ZNF614: variants seen among roughly 807,000 people sequenced by gnomAD.
ZNF614 encodes zinc finger protein 614.
ZNF614 carries 11 observed loss-of-function variants against 12.8 expected under a neutral mutation model. The ratio of observed to expected loss-of-function variants is 0.86; its 90% CI spans 0.54 to 1.43. ZNF614 has a LOEUF of 1.43. Among genes scored for constraint, ZNF614 ranks in the 40% most tolerant of loss-of-function variants. The probability of loss-of-function intolerance (pLI) is 0.00; values close to 1 mark genes in which losing one functional copy is unlikely to be tolerated. For synonymous variants in ZNF614, 237 were observed against 237.5 expected (o/e 1.00, Z 0.02); for missense variants, 664 against 708.8 (o/e 0.94, Z 0.72).
At chr19:52,027,055 T>C (rs1005568069) in intron 1 of ZNF614, among the ~76,000 whole-genome samples, 2 of 152,236 alleles carry the variant, frequency 1.3e-5, no homozygotes, top group East Asian at 1.9e-4. Flanking sequence ...TGCTGAGTGC[T>C]GGTCTCCTGG....
Position 52,019,001 on chromosome 19 carries a change from T to C in ZNF614, c.16-507A>G, listed in dbSNP as rs147504681. Among the ~76,000 whole-genome samples, 430 of 152,188 alleles carry C rather than the reference T, an allele frequency of 2.8e-3. 2 individuals carry two copies. The highest frequency in any genetic ancestry group is 0.014 in the Middle Eastern group (4 of 292). ...TTCCCACCTCAGCCTCTCAAGTAACTAGGACTACAGGTGGATGCTACTACC... is the reference window on the plus strand; with the variant it reads ...TTCCCACCTCAGCCTCTCAAGTAACCAGGACTACAGGTGGATGCTACTACC... On this transcript the variant is annotated intron_variant, in intron 2 of 4. Transcript: ENST00000270649.
At position 52,025,902 on chromosome 19, in the gene ZNF614, T is replaced by A; in HGVS notation, c.-157A>T. 1 of 706,294 alleles carries A rather than the reference T, an allele frequency of 1.4e-6. No individual in the cohort carries two copies. Among genetic ancestry groups the A allele is most frequent in the East Asian group, 2.7e-5 (1 of 37,124 alleles). 43.8% of individuals were successfully genotyped at this position (706,294 alleles called of 1,614,324 possible). ...ATGATATCCAAGGCCAGCAACCTCC[T>A]TCTTCTTCCTTCATTGCTTCACTTG... is the stretch of plus-strand genomic sequence containing the variant. On this transcript the variant is annotated 5_prime_UTR_variant, in exon 2 of 5. It adds an upstream start codon to the 5' untranslated region. Transcript: ENST00000270649.
rs1488229410 is a variant in ZNF614 at position 52,016,107 on chromosome 19, G to A, written c.1491C>T (p.Gly497=). 6 of 1,613,938 alleles carry A rather than the reference G, an allele frequency of 3.7e-6. No individual in the cohort carries two copies. Among genetic ancestry groups the A allele is most frequent in the Admixed American group, 1.7e-5 (1 of 59,994 alleles). Residue 497 remains glycine, a synonymous_variant, in exon 5 of 5, where the codon GGC becomes GGT. Coordinates refer to ENST00000270649, the MANE Select transcript of ZNF614 (RefSeq NM_025040.4). ...ECGKSYSHKY[G]LITHQRIHTG... ...TGTGAATTCTCTGATGGGTAATGAG[G>A]CCATATTTGTGTGAATAGGATTTTC...
chr19:52,018,118 A>C lies in ZNF614; in HGVS notation c.143-15T>G, dbSNP rs2086911963. 6.2e-7 allele frequency: 1 copy of C among 1,606,394 alleles called. No homozygotes were observed. Among genetic ancestry groups the C allele is most frequent in the East Asian group, 2.2e-5 (1 of 44,842 alleles). ...AGTTTGATACCCTGTTCATGAGGAA[A>C]GACAAACACAAACATCCTGAATTGG... On this transcript the variant is annotated splice_polypyrimidine_tract_variant and intron_variant, in intron 3 of 4. Transcript: ENST00000270649.
chr19:52,016,853 G>A lies in ZNF614; in HGVS notation c.745C>T (p.His249Tyr). The change falls in exon 5 of 5, where the codon CAT (histidine) becomes TAT (tyrosine). Residue 249 changes from histidine to tyrosine, a missense_variant. By Grantham distance (83) the His-to-Tyr change is moderately conservative (BLOSUM62 2). Transcript: ENST00000270649. The part of the protein sequence containing the change: ...KLSRSVLFTK[H>Y]LKTNTTDKIC... Reference sequence around the variant, plus strand: ...TTGTCTGTTGTATTAGTTTTCAGATGCTTAGTGAACAGGACACTTCTGGAT... The same window carrying A: ...TTGTCTGTTGTATTAGTTTTCAGATACTTAGTGAACAGGACACTTCTGGAT... 2 of 1,613,732 alleles carry A rather than the reference G, an allele frequency of 1.2e-6. No individual in the cohort carries two copies. The highest frequency in any genetic ancestry group is 1.7e-6 in the Non-Finnish European group (2 of 1,180,012).
At chr19:52,024,891 A>G (rs4802892) in intron 2 of ZNF614, among the ~76,000 whole-genome samples, 116,424 of 152,130 alleles carry the variant, frequency 0.77, 45,622 homozygotes, top group East Asian at 0.96. Context: ...GTCCCCCAGC[A>G]TGACACCGGG....
In ZNF614 at chr19:52,018,110, A is replaced by G; in HGVS notation, c.143-7T>C. 1.2e-6 allele frequency: 2 copies of G among 1,612,208 alleles called. No homozygotes were observed. Among genetic ancestry groups the G allele is most frequent in the Non-Finnish European group, 1.7e-6 (2 of 1,178,394 alleles). ...GGTTTGCTAGTTTGATACCCTGTTC[A>G]TGAGGAAAGACAAACACAAACATCC... On this transcript the variant is annotated splice_polypyrimidine_tract_variant and splice_region_variant and intron_variant, in intron 3 of 4. Coordinates refer to ENST00000270649, the MANE Select transcript of ZNF614 (RefSeq NM_025040.4).
At chr19:52,020,668 C>G (rs1019200687) in intron 2 of ZNF614, among the ~76,000 whole-genome samples, 2 of 152,168 alleles carry the variant, frequency 1.3e-5, no homozygotes, top group African/African-American at 2.4e-5. Flanking sequence ...TGGCTCAAAG[C>G]CACAACTCTC....
At chr19:52,023,173 A>ATT (rs199732557) in intron 2 of ZNF614, among the ~76,000 whole-genome samples, 2,604 of 141,440 alleles carry the variant, frequency 0.018, 72 homozygotes, top group African/African-American at 0.065. Context: ...AATAAATAAA[A>ATT]TTTTTTTTTT....
intron 4 of ZNF614, 36 bp downstream of exon 4, chr19:52,017,972 C>T: frequency 5.9e-6 from 9 of 1,530,042 alleles, no homozygotes; most frequent in Non-Finnish European, 8.1e-6. Flanking sequence ...TACAATAAGA[C>T]TCCTATAGCC....
intron 1 of ZNF614, among the ~76,000 whole-genome samples, chr19:52,027,311 A>G (rs1436123001): frequency 1.3e-5 from 2 of 152,246 alleles, no homozygotes; most frequent in African/African-American, 4.8e-5. Context: ...GTCAAGACCA[A>G]TGTACTAAGC....
chr19:52,019,870 G>C (rs977867990), intron 2 of ZNF614, among the ~76,000 whole-genome samples: 1 of 152,210 alleles, frequency 6.6e-6, no homozygotes, highest in Non-Finnish European at 1.5e-5. Flanking sequence ...ATACTGATAA[G>C]AGAATCTATG....
At position 52,023,427 on chromosome 19, in the gene ZNF614, C is replaced by T. The variant is rs556273372; in HGVS notation, c.15+2304G>A. On this transcript the variant is annotated intron_variant, in intron 2 of 4. Transcript: ENST00000270649. Reference sequence around the variant, plus strand: ...CATGATCCGCTCGGGATTACAGGCGCGAGCCCCCATGCCCAGCCTGTTCAA... The same window carrying T: ...CATGATCCGCTCGGGATTACAGGCGTGAGCCCCCATGCCCAGCCTGTTCAA... 4.3e-4 allele frequency among the ~76,000 whole-genome samples: 65 copies of T among 152,168 alleles called. 2 individuals are homozygous for T. The highest frequency in any genetic ancestry group is 1.4e-3 in the African/African-American group (59 of 41,540).
chr19:52,016,111 T>G lies in ZNF614; in HGVS notation c.1487A>C (p.Tyr496Ser). The G allele has an allele frequency of 6.2e-7, 1 of 1,614,088 alleles. No homozygotes were observed. The highest frequency in any genetic ancestry group is 8.5e-7 in the Non-Finnish European group (1 of 1,180,018). The change falls in exon 5 of 5, where the codon TAT (tyrosine) becomes TCT (serine). Residue 496 changes from tyrosine (Y) to serine (S), a missense_variant. Transcript: ENST00000270649. ...AATTCTCTGATGGGTAATGAGGCCATATTTGTGTGAATAGGATTTTCCGCA... is the reference window on the plus strand; with the variant it reads ...AATTCTCTGATGGGTAATGAGGCCAGATTTGTGTGAATAGGATTTTCCGCA... ...TECGKSYSHK[Y>S]GLITHQRIHT...
At chr19:52,020,022 T>G (rs2086923965) in intron 2 of ZNF614, among the ~76,000 whole-genome samples, 1 of 152,242 alleles carries the variant, frequency 6.6e-6, no homozygotes, top group Non-Finnish European at 1.5e-5. Flanking sequence ...GTTAAATTTC[T>G]ACCTCACTCC....
chr19:52,016,344 C>CTGATGTA lies in ZNF614; in HGVS notation c.1247_1253dup (p.Gln418HisfsTer16). 6.2e-7 allele frequency: 1 copy of CTGATGTA among 1,610,652 alleles called. No individual in the cohort carries two copies. The highest frequency in any genetic ancestry group is 2.2e-5 in the East Asian group (1 of 44,800). On this transcript the variant is annotated frameshift_variant, in exon 5 of 5. Transcript: ENST00000270649. LOFTEE classifies it low-confidence loss of function (END_TRUNC). ...AAGATTTCTCTCCTGTATGAGTTCGCTGATGTATAACGAGAGTGCGTTTGA... is the reference window on the plus strand; with the variant it reads ...AAGATTTCTCTCCTGTATGAGTTCGCTGATGTATGATGTATAACGAGAGTGCGTTTGA...
rs1329079407 is a variant in ZNF614 at position 52,024,607 on chromosome 19, C to CCGTAGCCCTAACCCTGTGCT, written c.15+1104_15+1123dup. On this transcript the variant is annotated intron_variant, in intron 2 of 4. Transcript: ENST00000270649. ...GCCTTGAGATGCTGTTAATCTGTAA[C>CCGTAGCCCTAACCCTGTGCT]CGTAGCCCTAACCCTGTGCTCGCAG... Among the ~76,000 whole-genome samples the CCGTAGCCCTAACCCTGTGCT allele has an allele frequency of 3.0e-3, 459 of 152,252 alleles. 1 individual carries two copies. The highest frequency in any genetic ancestry group is 0.011 in the African/African-American group (443 of 41,524).
chr19:52,026,941 ATTACC>A (rs2086979136), intron 1 of ZNF614, among the ~76,000 whole-genome samples: 1 of 152,128 alleles, frequency 6.6e-6, no homozygotes, highest in Non-Finnish European at 1.5e-5. Flanking sequence ...TCTCCCCACT[ATTACC>A]TTATTGTCCT....
At chr19:52,025,671 G>A (rs932297874) in intron 2 of ZNF614, 60 bp downstream of exon 2, 1 of 1,588,298 alleles carries the variant, frequency 6.3e-7, no homozygotes, top group Non-Finnish European at 8.6e-7. Flanking sequence ...ACTTCCTTAA[G>A]TTCAACTGAC....
Sources: allele counts gnomAD v4.1 joint callset (sites outside exome capture counted in the v4.1 genomes callset), GRCh38; gene constraint gnomAD v4.1.1; transcripts MANE v1.5; gene names NCBI Gene and HGNC (gene_info 2026-07-23, HGNC 2026-07-21).